The following FRMPD4 variants were observed in gnomAD, a reference collection of about 807,000 sequenced individuals.
FRMPD4 encodes the protein FERM and PDZ domain-containing protein 4.
Under a neutral mutation model 94.1 loss-of-function variants are expected in FRMPD4, and 22 were observed. That is an observed-to-expected ratio of 0.23 (90% CI 0.17 to 0.33). FRMPD4 has a LOEUF of 0.33. Among genes scored for constraint, FRMPD4 ranks in the 10% least tolerant of loss-of-function variants. The pLI, the probability that FRMPD4 is intolerant of heterozygous loss-of-function variation, is 1.00. For missense variants in FRMPD4, 1,111 were observed against 1,339.9 expected, an observed-to-expected ratio of 0.83 and a Z score of 2.67; for synonymous variants, 631 against 548.6, an observed-to-expected ratio of 1.15 and a Z score of -2.10.
At chrX:11,850,036 G>A (rs1306408370) in intron 1 of FRMPD4, among the ~76,000 whole-genome samples, 5 of 111,972 alleles carry the variant, frequency 4.5e-5, no homozygotes, top group African/African-American at 1.6e-4. Flanking sequence ...TATCTGATAA[G>A]GGGCTAATAT....
intron 3 of FRMPD4, among the ~76,000 whole-genome samples, chrX:11,964,006 C>CAAA (rs1213002706): frequency 1.8e-5 from 2 of 111,631 alleles, no homozygotes; most frequent in Admixed American, 9.5e-5. Flanking sequence ...AGATGTGCCA[C>CAAA]AAAAGGTTTC....
intron 3 of FRMPD4, among the ~76,000 whole-genome samples, chrX:11,888,845 A>AAG (rs2053859738): frequency 8.9e-6 from 1 of 112,841 alleles, no homozygotes; most frequent in South Asian, 3.6e-4. Context: ...ACACAGAGAT[A>AAG]AGAAGTGAGC....
At chrX:11,944,033 T>C (rs1031205879) in intron 3 of FRMPD4, among the ~76,000 whole-genome samples, 4 of 112,133 alleles carry the variant, frequency 3.6e-5, no homozygotes, top group African/African-American at 9.7e-5. Flanking sequence ...AACTCTGCCA[T>C]TGGATTAGGG....
At chrX:11,960,349 G>A (rs1394627298) in intron 3 of FRMPD4, among the ~76,000 whole-genome samples, 2 of 111,286 alleles carry the variant, frequency 1.8e-5, no homozygotes, top group Non-Finnish European at 1.9e-5. Flanking sequence ...TTCCTCCTTC[G>A]GGTGTCATCA....
intron 1 of FRMPD4, among the ~76,000 whole-genome samples, chrX:11,852,426 A>G (rs1188334499): frequency 2.2e-5 from 2 of 89,293 alleles, no homozygotes; most frequent in African/African-American, 8.8e-5. Flanking sequence ...TGGGTGACAG[A>G]GTGAGACCCT....
chrX:11,944,773 C>T (rs1217070464), intron 3 of FRMPD4, among the ~76,000 whole-genome samples: 6 of 110,714 alleles, frequency 5.4e-5, no homozygotes, highest in African/African-American at 2.0e-4. Context: ...TCAGCAGCTC[C>T]CAAATATAAG....
intron 1 of FRMPD4, among the ~76,000 whole-genome samples, chrX:12,193,828 AG>A (rs1569186728): frequency 2.8e-5 from 1 of 35,609 alleles, no homozygotes; most frequent in East Asian, 3.4e-3. Context: ...GGAAGGAAGG[AG>A]GGAAGGAAGA....
At chrX:12,501,825 A>G (rs1473189465) in intron 2 of FRMPD4, among the ~76,000 whole-genome samples, 1 of 111,421 alleles carries the variant, frequency 9.0e-6, no homozygotes, top group African/African-American at 3.3e-5. Flanking sequence ...TAATTCTAAC[A>G]TAATGAGTCT....
At chrX:12,166,799 A>G (rs2056127538) in intron 1 of FRMPD4, among the ~76,000 whole-genome samples, 1 of 111,706 alleles carries the variant, frequency 9.0e-6, no homozygotes, top group Non-Finnish European at 1.9e-5. Context: ...TGTGTCCAGG[A>G]ATTTATCCAT....
At chrX:12,266,417 C>T (rs1346534132) in intron 1 of FRMPD4, among the ~76,000 whole-genome samples, 1 of 111,179 alleles carries the variant, frequency 9.0e-6, no homozygotes, top group Admixed American at 9.6e-5. Flanking sequence ...TCTGCTGGGA[C>T]CAGTGGGTCA....
At chrX:12,591,765 T>C (rs1048258548) in intron 2 of FRMPD4, among the ~76,000 whole-genome samples, 7 of 111,776 alleles carry the variant, frequency 6.3e-5, no homozygotes, top group African/African-American at 2.3e-4. Context: ...ACTGATTACT[T>C]ACTCTGCAAG....
At chrX:12,537,652 A>G (rs2058355066) in intron 2 of FRMPD4, among the ~76,000 whole-genome samples, 1 of 107,310 alleles carries the variant, frequency 9.3e-6, no homozygotes, top group Admixed American at 1.0e-4. Context: ...GGGTATCACC[A>G]TGTTGCCCAG....
At chrX:12,421,024 A>G (rs2056876147) in intron 1 of FRMPD4, among the ~76,000 whole-genome samples, 2 of 112,700 alleles carry the variant, frequency 1.8e-5, no homozygotes, top group South Asian at 3.6e-4. Flanking sequence ...CAGTGCTTAC[A>G]AAAATATAGC....
chrX:12,272,348 A>G (rs1039468194), intron 1 of FRMPD4, among the ~76,000 whole-genome samples: 3 of 111,493 alleles, frequency 2.7e-5, no homozygotes, highest in Non-Finnish European at 5.6e-5. Context: ...TCGCATTTGT[A>G]TGGGAATCCT....
At chrX:12,074,752 T>C (rs1215730135) in intron 3 of FRMPD4, among the ~76,000 whole-genome samples, 1 of 112,712 alleles carries the variant, frequency 8.9e-6, no homozygotes, top group Non-Finnish European at 1.9e-5. Context: ...TGACAAGAGA[T>C]GGAAAATACA....
chrX:12,080,770 G>C (rs2055055842), intron 3 of FRMPD4, among the ~76,000 whole-genome samples: 1 of 112,176 alleles, frequency 8.9e-6, no homozygotes, highest in South Asian at 3.7e-4. Context: ...TCTTTCAGTA[G>C]TGATTACAGC....
chrX:12,275,646 C>G (rs995463607), intron 1 of FRMPD4, among the ~76,000 whole-genome samples: 1 of 108,951 alleles, frequency 9.2e-6, no homozygotes, highest in Non-Finnish European at 1.9e-5. Flanking sequence ...GGAAGGGCAT[C>G]AGGACAGCTC....
At chrX:12,078,810 C>T (rs763433736) in intron 3 of FRMPD4, among the ~76,000 whole-genome samples, 7 of 111,694 alleles carry the variant, frequency 6.3e-5, no homozygotes, top group Non-Finnish European at 1.1e-4. Flanking sequence ...ACCAGTAGCA[C>T]TCCTCACCTT....
At chrX:12,630,434 C>A (rs2059385272) in intron 4 of FRMPD4, among the ~76,000 whole-genome samples, 1 of 111,942 alleles carries the variant, frequency 8.9e-6, no homozygotes, top group Non-Finnish European at 1.9e-5. Flanking sequence ...GTTTGTTGCC[C>A]TTTGACCTCA....
Sources: gnomAD v4.1 joint callset for allele counts (sites outside exome capture counted in the v4.1 genomes callset) on GRCh38, gnomAD v4.1.1 for gene constraint, MANE v1.5 for transcripts, NCBI Gene and HGNC (gene_info 2026-07-23, HGNC 2026-07-21) for gene names.